The following ACOXL variants were observed in gnomAD, a reference collection of about 807,000 sequenced individuals.
ACOXL encodes acyl-CoA oxidase like, also known as acyl-coenzyme A oxidase-like protein.
A neutral mutation model predicts 71.9 loss-of-function variants in ACOXL; 70 were observed. The observed-to-expected ratio is 0.97, with a 90% CI of 0.80 to 1.19. ACOXL has a LOEUF of 1.19. ACOXL is among the 50% of genes most tolerant of loss of function. The pLI is 0.00. For missense variants in ACOXL, 703 were observed against 736.3 expected (o/e 0.95, Z 0.52); for synonymous variants, 253 against 281.6 (o/e 0.90, Z 1.02).
intron 12 of ACOXL, chr2:110,963,564 A>C (rs1574301207): frequency 6.8e-6 from 10 of 1,478,534 alleles, no homozygotes; most frequent in African/African-American, 3.4e-5. Context: ...GCAAATTTGA[A>C]ATGTGTGTGT....
At chr2:111,001,940 C>G (rs982143805) in intron 14 of ACOXL, among the ~76,000 whole-genome samples, 2 of 152,174 alleles carry the variant, frequency 1.3e-5, no homozygotes, top group Non-Finnish European at 2.9e-5. Context: ...CAGTCTTCAA[C>G]GATCCCTGCC....
chr2:110,976,169 G>T (rs1401770405), intron 12 of ACOXL, among the ~76,000 whole-genome samples: 1 of 152,172 alleles, frequency 6.6e-6, no homozygotes, highest in Non-Finnish European at 1.5e-5. Flanking sequence ...AAAAACGTGG[G>T]ATTATTTACC....
intron 12 of ACOXL, among the ~76,000 whole-genome samples, chr2:110,945,524 C>G (rs556460126): frequency 9.2e-5 from 14 of 152,158 alleles, no homozygotes; most frequent in African/African-American, 3.1e-4. Context: ...TTTGTATATG[C>G]TGTAAGGAAC....
chr2:111,088,821 T>A (rs2068362023), intron 16 of ACOXL, among the ~76,000 whole-genome samples: 1 of 152,172 alleles, frequency 6.6e-6, no homozygotes, highest in Non-Finnish European at 1.5e-5. Flanking sequence ...TGGGAAACTA[T>A]ACAATCTGAG....
chr2:110,919,622 T>A (rs1368894274), intron 11 of ACOXL, among the ~76,000 whole-genome samples: 1 of 152,184 alleles, frequency 6.6e-6, no homozygotes, highest in Admixed American at 6.5e-5. Context: ...GACACAGAGT[T>A]GTTCCATTCA....
At chr2:110,867,569 C>T (rs532433655) in intron 10 of ACOXL, among the ~76,000 whole-genome samples, 13 of 152,032 alleles carry the variant, frequency 8.6e-5, no homozygotes, top group East Asian at 1.9e-4. Context: ...GATGAATAAT[C>T]GGTCTGAAAG....
intron 3 of ACOXL, among the ~76,000 whole-genome samples, chr2:110,791,525 G>A (rs1684648868): frequency 6.6e-6 from 1 of 152,192 alleles, no homozygotes; most frequent in African/African-American, 2.4e-5. Flanking sequence ...GTACCATTTG[G>A]GTTGCTTCCA....
intron 10 of ACOXL, among the ~76,000 whole-genome samples, chr2:110,855,171 G>C (rs1693085148): frequency 6.6e-6 from 1 of 152,186 alleles, no homozygotes; most frequent in Non-Finnish European, 1.5e-5. Context: ...GAAAGCAAGT[G>C]TAGAAGAAAA....
chr2:110,891,691 T>C lies in ACOXL; in HGVS notation c.789-17098T>C, dbSNP rs150988173. Among the ~76,000 whole-genome samples, 13 of 152,270 alleles carry C rather than the reference T, an allele frequency of 8.5e-5. 1 individual carries two copies. The East Asian group carries it at 2.5e-3, about 29-fold the overall frequency. ...ACTTTAAATGTTTTAGAAATCAATTTCAGCAATTAAATGGAAAGTGCTTTG... is the reference window on the plus strand; with the variant it reads ...ACTTTAAATGTTTTAGAAATCAATTCCAGCAATTAAATGGAAAGTGCTTTG... On this transcript the variant is annotated intron_variant, in intron 10 of 17. Coordinates refer to ENST00000439055, the MANE Select transcript of ACOXL (RefSeq NM_001142807.4).
chr2:111,091,551 A>G (rs1321306757), intron 16 of ACOXL, among the ~76,000 whole-genome samples: 1 of 152,190 alleles, frequency 6.6e-6, no homozygotes, highest in Non-Finnish European at 1.5e-5. Context: ...TTAACCACAT[A>G]ATTTATATGA....
In ACOXL at chr2:111,050,228, A is replaced by G. The variant is rs144441176; in HGVS notation, c.1440+940A>G. Among the ~76,000 whole-genome samples, 1,108 of 152,076 alleles carry G rather than the reference A, an allele frequency of 7.3e-3. 9 individuals carry two copies. The highest frequency in any genetic ancestry group is 0.025 in the African/African-American group (1,020 of 41,480). ...AGGGTGTCACTCTGAGGGATTTTCA[A>G]CTCATTTGCCTAAGATGTGATATTT... On this transcript the variant is annotated intron_variant, in intron 16 of 17. Coordinates refer to ENST00000439055, the MANE Select transcript of ACOXL (RefSeq NM_001142807.4).
intron 10 of ACOXL, among the ~76,000 whole-genome samples, chr2:110,905,813 T>G (rs1372212108): frequency 2.0e-5 from 3 of 152,162 alleles, no homozygotes; most frequent in African/African-American, 7.2e-5. Flanking sequence ...GACATTTAGA[T>G]TCTCGTGAAC....
At chr2:111,063,850 A>G (rs566675292) in intron 16 of ACOXL, among the ~76,000 whole-genome samples, 20 of 152,362 alleles carry the variant, frequency 1.3e-4, no homozygotes, top group African/African-American at 4.8e-4. Context: ...CCCTGTTTGC[A>G]GATGACATAA....
intron 15 of ACOXL, among the ~76,000 whole-genome samples, chr2:111,039,341 G>A (rs761165329): frequency 1.3e-5 from 2 of 151,692 alleles, no homozygotes; most frequent in Non-Finnish European, 2.9e-5. Flanking sequence ...GATTTTATTT[G>A]CAGAGAAAAC....
intron 9 of ACOXL, among the ~76,000 whole-genome samples, chr2:110,815,745 C>A (rs541116535): frequency 6.6e-6 from 1 of 152,322 alleles, no homozygotes; most frequent in South Asian, 2.1e-4. Context: ...AGCAGGCATT[C>A]TCTGCCTACA....
At chr2:110,932,523 T>C (rs1403384257) in intron 11 of ACOXL, among the ~76,000 whole-genome samples, 1 of 152,202 alleles carries the variant, frequency 6.6e-6, no homozygotes, top group Non-Finnish European at 1.5e-5. Context: ...CATATCTTTA[T>C]ATATAAAATC....
At chr2:111,013,522 CAAAAAAAAA>C (rs56905916) in intron 14 of ACOXL, among the ~76,000 whole-genome samples, 1 of 95,524 alleles carries the variant, frequency 1.0e-5, no homozygotes, top group Non-Finnish European at 2.1e-5. Context: ...GACCCTGTCT[CAAAAAAAAA>C]AAAAAAAAAA....
At position 110,908,816 on chromosome 2, in the gene ACOXL, G is replaced by A; in HGVS notation, c.816G>A (p.Lys272=). 2 of 1,614,118 alleles carry A rather than the reference G, an allele frequency of 1.2e-6. No homozygotes were observed. The highest frequency in any genetic ancestry group is 4.5e-5 in the East Asian group (2 of 44,880). ...HSRRQFGPKT[K]EEVKIIEHQT... is the part of the protein sequence containing the mutation. ...GGAGGCAGTTTGGGCCCAAAACCAA[G>A]GAAGAGGTGAAGATCATTGAGCACC... The change falls in exon 11 of 18, where the codon AAG becomes AAA. Residue 272 remains lysine (K), a synonymous_variant. Transcript: ENST00000439055.
intron 11 of ACOXL, among the ~76,000 whole-genome samples, chr2:110,930,170 G>A (rs1180134205): frequency 6.6e-6 from 1 of 152,198 alleles, no homozygotes; most frequent in Non-Finnish European, 1.5e-5. Context: ...GCTGTACCCT[G>A]CAAAGCCAGG....
Sources: gnomAD v4.1 joint callset for allele counts (sites outside exome capture counted in the v4.1 genomes callset) on GRCh38, gnomAD v4.1.1 for gene constraint, MANE v1.5 for transcripts, NCBI Gene and HGNC (gene_info 2026-07-23, HGNC 2026-07-21) for gene names.